Variants in LNP1 observed in about 807,000 individuals in gnomAD.
LNP1 encodes leukemia NUP98 fusion partner 1.
A neutral mutation model predicts 14.5 loss-of-function variants in LNP1; 12 were observed. The observed-to-expected ratio is 0.83, with a 90% CI of 0.53 to 1.34. LNP1 has a LOEUF of 1.34. LNP1 is among the 40% of genes most tolerant of loss of function. The pLI is 0.00. For missense variants in LNP1, 198 were observed against 210.9 expected (o/e 0.94, Z 0.38); for synonymous variants, 75 against 71.4 (o/e 1.05, Z -0.26).
intron 3 of LNP1, among the ~76,000 whole-genome samples, chr3:100,454,486 G>A (rs1440614637): frequency 6.6e-6 from 1 of 152,106 alleles, no homozygotes; most frequent in Non-Finnish European, 1.5e-5. Context: ...GGGACCAAAT[G>A]TATACTAATA....
At chr3:100,418,784 C>T (rs948028948) in intron 1 of LNP1, among the ~76,000 whole-genome samples, 6 of 152,138 alleles carry the variant, frequency 3.9e-5, no homozygotes, top group African/African-American at 1.4e-4. Flanking sequence ...AGGCTTTGTC[C>T]TAGAAGGTCA....
intron 1 of LNP1, among the ~76,000 whole-genome samples, chr3:100,416,734 A>G (rs113108284): frequency 0.013 from 1,237 of 92,792 alleles, 18 homozygotes; most frequent in African/African-American, 0.04. Context: ...TTTTTTTTTT[A>G]CATTAAGTTC....
At chr3:100,452,565 C>G (rs1342406622) in intron 3 of LNP1, among the ~76,000 whole-genome samples, 1 of 152,066 alleles carries the variant, frequency 6.6e-6, no homozygotes, top group Non-Finnish European at 1.5e-5. Flanking sequence ...AACTCATTCC[C>G]CTTTTACAAT....
At chr3:100,413,910 G>T (rs1707055625) in intron 1 of LNP1, among the ~76,000 whole-genome samples, 1 of 152,170 alleles carries the variant, frequency 6.6e-6, no homozygotes, top group African/African-American at 2.4e-5. Flanking sequence ...TTGAACCTGA[G>T]AGCCTCTAGT....
chr3:100,451,258 T>C (rs943070657), intron 2 of LNP1, among the ~76,000 whole-genome samples: 3 of 152,228 alleles, frequency 2.0e-5, no homozygotes, highest in African/African-American at 7.2e-5. Context: ...TTTGGTTTTA[T>C]ACATTCTAGG....
rs576044492 is a variant in LNP1 at position 100,410,560 on chromosome 3, G to A, written c.-34+8121G>A. 2.6e-5 allele frequency among the ~76,000 whole-genome samples: 4 copies of A among 152,292 alleles called. No homozygotes were observed. The South Asian group carries it at 6.2e-4, about 24-fold the overall frequency. On this transcript the variant is annotated intron_variant, in intron 1 of 3. Transcript: ENST00000383693. ...TTGCTGCTTATAGTAAAATGCAAGA[G>A]GAGAGAGGTGAATTGAAGAAGGAAT...
chr3:100,423,122 T>C, intron 1 of LNP1, among the ~76,000 whole-genome samples: 1 of 152,118 alleles, frequency 6.6e-6, no homozygotes, highest in Non-Finnish European at 1.5e-5. Flanking sequence ...CACTGCTTTC[T>C]GGGAAGTAAA....
At chr3:100,414,840 A>G (rs1297428929) in intron 1 of LNP1, among the ~76,000 whole-genome samples, 1 of 152,234 alleles carries the variant, frequency 6.6e-6, no homozygotes, top group Non-Finnish European at 1.5e-5. Context: ...TTTCAGTCTA[A>G]TGAGACCCTT....
rs533226453 is a variant in LNP1 at position 100,453,212 on chromosome 3, G to T, written c.387+1263G>T. On this transcript the variant is annotated intron_variant, in intron 3 of 3. Transcript: ENST00000383693. ...CTCAGAGTGACCCTGTATCCATATGGTTTCCCTTCAGTAGGCTGCTTTCTC... is the reference window on the plus strand; with the variant it reads ...CTCAGAGTGACCCTGTATCCATATGTTTTCCCTTCAGTAGGCTGCTTTCTC... Among the ~76,000 whole-genome samples, 12 of 152,216 alleles carry T rather than the reference G, an allele frequency of 7.9e-5. No homozygotes were observed. The South Asian group carries it at 1.9e-3, about 24-fold the overall frequency.
intron 2 of LNP1, among the ~76,000 whole-genome samples, chr3:100,440,050 G>T (rs959241699): frequency 6.6e-6 from 1 of 152,178 alleles, no homozygotes; most frequent in African/African-American, 2.4e-5. Flanking sequence ...AGCTTCTTCT[G>T]AGGCCTTGCT....
chr3:100,409,688 C>T (rs1320463667), intron 1 of LNP1, among the ~76,000 whole-genome samples: 1 of 150,404 alleles, frequency 6.6e-6, no homozygotes, highest in Non-Finnish European at 1.5e-5. Flanking sequence ...ACTTCCGCCT[C>T]CTGGGTTCAA....
chr3:100,421,672 A>G (rs540879213), intron 1 of LNP1, among the ~76,000 whole-genome samples: 1 of 152,282 alleles, frequency 6.6e-6, no homozygotes, highest in Non-Finnish European at 1.5e-5. Context: ...ACATCCTTGT[A>G]TGTACCTCTT....
At chr3:100,425,615 C>A (rs917951941) in intron 1 of LNP1, among the ~76,000 whole-genome samples, 8 of 152,134 alleles carry the variant, frequency 5.3e-5, no homozygotes, top group Non-Finnish European at 1.2e-4. Context: ...GAAATCATAA[C>A]TTTACCTTTT....
At chr3:100,430,555 G>C (rs927707477) in intron 2 of LNP1, among the ~76,000 whole-genome samples, 1 of 152,178 alleles carries the variant, frequency 6.6e-6, no homozygotes, top group Non-Finnish European at 1.5e-5. Context: ...TGCTCTACTG[G>C]CATGCTAGAA....
intron 1 of LNP1, among the ~76,000 whole-genome samples, chr3:100,412,882 G>A (rs1707043749): frequency 6.6e-6 from 1 of 152,162 alleles, no homozygotes; most frequent in South Asian, 2.1e-4. Flanking sequence ...CATATGATGA[G>A]TGCCTGTTAA....
At chr3:100,419,386 C>G (rs1340650548) in intron 1 of LNP1, among the ~76,000 whole-genome samples, 1 of 152,154 alleles carries the variant, frequency 6.6e-6, no homozygotes, top group Non-Finnish European at 1.5e-5. Context: ...ACCTACTCTT[C>G]TAATGTTGAC....
chr3:100,422,817 T>C, intron 1 of LNP1, among the ~76,000 whole-genome samples: 1 of 147,182 alleles, frequency 6.8e-6, no homozygotes, highest in East Asian at 2.0e-4. Context: ...TTTTTTTTTT[T>C]TTTTTTTTTT....
chr3:100,455,513 A>G (rs1412904813), intron 3 of LNP1, among the ~76,000 whole-genome samples: 2 of 152,206 alleles, frequency 1.3e-5, no homozygotes, highest in Non-Finnish European at 2.9e-5. Flanking sequence ...ACCCCTCAGT[A>G]TGTTCAGAGG....
chr3:100,414,013 T>C (rs1413631496), intron 1 of LNP1, among the ~76,000 whole-genome samples: 2 of 152,200 alleles, frequency 1.3e-5, no homozygotes, highest in Admixed American at 1.3e-4. Context: ...TTGTCAAATT[T>C]TGAAAAACAT....
Sources: allele counts gnomAD v4.1 joint callset (sites outside exome capture counted in the v4.1 genomes callset), GRCh38; gene constraint gnomAD v4.1.1; transcripts MANE v1.5; gene names NCBI Gene and HGNC (gene_info 2026-07-23, HGNC 2026-07-21).